NLRP13: variants seen among roughly 807,000 people sequenced by gnomAD.
NLRP13 encodes NACHT, LRR and PYD domains-containing protein 13.
A neutral mutation model predicts 94.4 loss-of-function variants in NLRP13; 82 were observed. The observed-to-expected ratio is 0.87, with a 90% CI of 0.73 to 1.04. NLRP13 has a LOEUF of 1.04. Ranked by LOEUF, NLRP13 falls within the 50% of genes least tolerant of loss-of-function variation. NLRP13 has a pLI of 0.00. For synonymous variants in NLRP13, 553 were observed against 464.7 expected, an observed-to-expected ratio of 1.19 and a Z score of -2.45; for missense variants, 1,426 against 1,230.8, an observed-to-expected ratio of 1.16 and a Z score of -2.37.
At chr19:55,917,566 G>A (rs567154568) in intron 4 of NLRP13, among the ~76,000 whole-genome samples, 1 of 151,836 alleles carries the variant, frequency 6.6e-6, no homozygotes, top group Admixed American at 6.6e-5. Flanking sequence ...TGAAGGTAAA[G>A]GTGTAGAAAA....
At chr19:55,917,946 C>T (rs1024110350) in intron 4 of NLRP13, among the ~76,000 whole-genome samples, 1 of 152,002 alleles carries the variant, frequency 6.6e-6, no homozygotes, top group Admixed American at 6.6e-5. Flanking sequence ...TTCTACTCAA[C>T]TGCAGAATAT....
rs1331305593 is a variant in NLRP13 at position 55,905,197 on chromosome 19, G to A, written c.2448-85C>T. 3 of 1,386,780 alleles carry A rather than the reference G, an allele frequency of 2.2e-6. No individual in the cohort carries two copies. The Admixed American group carries it at 6.0e-5, about 28-fold the overall frequency. The allele number at this position is 1,386,780 out of a possible 1,614,324, so 85.9% of individuals were successfully genotyped here. A position where few individuals can be genotyped will look rare whatever the true frequency, so the allele number is the denominator to read the frequency against. On this transcript the variant is annotated intron_variant, in intron 7 of 10. Coordinates refer to ENST00000342929, the MANE Select transcript of NLRP13 (RefSeq NM_176810.2). ...TCTCTCTCAACCCCTTAACCCCCGA[G>A]ACCCAAACATTATGGGAAGATTAAA...
rs375954901 is a variant in NLRP13 at position 55,910,599 on chromosome 19, G to T, written c.2246C>A (p.Ala749Glu). The change falls in exon 6 of 11, where the codon GCA becomes GAA. Residue 749 changes from alanine (A) to glutamate (E), a missense_variant. By Grantham distance (107) the Ala-to-Glu change is moderately radical. Transcript: ENST00000342929. ...HASSVKGLCL[A>E]LKNPRCKVQK... ...GACTTTGCATCTTGGATTTTTCAGT[G>T]CAAGACAGAGACCCTTCACAGAGGA... is the stretch of plus-strand genomic sequence containing the variant. 1 of 1,611,976 alleles carries T rather than the reference G, an allele frequency of 6.2e-7. No individual in the cohort carries two copies. The highest frequency in any genetic ancestry group is 1.3e-5 in the African/African-American group (1 of 74,974).
At chr19:55,908,363 C>T (rs1310534747) in intron 6 of NLRP13, among the ~76,000 whole-genome samples, 1 of 152,086 alleles carries the variant, frequency 6.6e-6, no homozygotes. Context: ...TAAGTACGAC[C>T]AAAAGTTTAA....
At chr19:55,928,841 G>C (rs149830284) in intron 1 of NLRP13, among the ~76,000 whole-genome samples, 1 of 152,294 alleles carries the variant, frequency 6.6e-6, no homozygotes, top group East Asian at 1.9e-4. Context: ...TGTCACCAGA[G>C]TGTACAGGCA....
chr19:55,894,340 C>T (rs1430648830), downstream of NLRP13, among the ~76,000 whole-genome samples: 2 of 152,118 alleles, frequency 1.3e-5, no homozygotes, highest in Non-Finnish European at 2.9e-5. Context: ...CTGCAGCCAA[C>T]CTGCTTACCT....
At chr19:55,914,124 C>A (rs547207382) in intron 4 of NLRP13, among the ~76,000 whole-genome samples, 2 of 152,210 alleles carry the variant, frequency 1.3e-5, no homozygotes, top group Non-Finnish European at 2.9e-5. Context: ...AAGGCTTTGT[C>A]TCTCCCATTC....
Position 55,912,901 on chromosome 19 carries a change from G to T in NLRP13, c.916C>A (p.Leu306Ile), listed in dbSNP as rs779639451. 3 of 1,614,200 alleles carry T rather than the reference G, an allele frequency of 1.9e-6. No individual in the cohort carries two copies. ...IEEFMSQPEK[L>I]LFIIDGFEEI... ...TCAAAGCCATCAATAATAAACAGGA[G>T]CTTCTCTGGTTGAGACATGAACTCT... The change falls in exon 5 of 11, where the codon CTC becomes ATC. Residue 306 changes from leucine to isoleucine, a missense_variant. By Grantham distance (5) the Leu-to-Ile change is conservative. Coordinates refer to ENST00000342929, the MANE Select transcript of NLRP13 (RefSeq NM_176810.2).
intron 8 of NLRP13, among the ~76,000 whole-genome samples, chr19:55,902,446 T>G (rs548553172): frequency 2.0e-4 from 30 of 152,112 alleles, no homozygotes; most frequent in Middle Eastern, 6.8e-3. Context: ...AGTGACTGGT[T>G]TAGGAAAAAA....
At position 55,932,117 on chromosome 19, in the gene NLRP13, AGGGTC is replaced by A; in HGVS notation, c.190_194del (p.Asp64PhefsTer9). The A allele has an allele frequency of 6.2e-7, 1 of 1,614,190 alleles. No homozygotes were observed. Among genetic ancestry groups the A allele is most frequent in the South Asian group, 1.1e-5 (1 of 91,080 alleles). ...CATCCAAAAGAAAGGACAGATTCAA[AGGGTC>A]GGCAGCTCTCAAGTTTGCCCAGGGG... On this transcript the variant is annotated frameshift_variant, in exon 1 of 11. Transcript: ENST00000342929. LOFTEE classifies it high-confidence loss of function.
chr19:55,910,435 A>G (rs1241301016), intron 6 of NLRP13, 128 bp downstream of exon 6: 8 of 844,616 alleles, frequency 9.5e-6, no homozygotes, highest in Non-Finnish European at 8.7e-6. Flanking sequence ...AAATACAAGC[A>G]CAGTTTATTT....
At chr19:55,914,326 G>C (rs908760519) in intron 4 of NLRP13, among the ~76,000 whole-genome samples, 4 of 152,198 alleles carry the variant, frequency 2.6e-5, no homozygotes, top group African/African-American at 9.7e-5. Context: ...ATGGTAGGAG[G>C]CTGGATCGTG....
In NLRP13 at chr19:55,925,022, G is replaced by A; in HGVS notation, c.333C>T (p.Thr111=). The A allele has an allele frequency of 6.2e-7, 1 of 1,613,890 alleles. No individual in the cohort carries two copies. Among genetic ancestry groups the A allele is most frequent in the Non-Finnish European group, 8.5e-7 (1 of 1,179,962 alleles). Residue 111 remains threonine (T), a synonymous_variant, in exon 2 of 11, where the codon ACC becomes ACT. Transcript: ENST00000342929. ...VRAEMKENVQ[T]QELQDPTQED... ...CCTGGGTTGGATCTTGCAGCTCTTG[G>A]GTCTGCACATTCTCTGAAACAAACA...
rs977070 is a variant in NLRP13 at position 55,911,708 on chromosome 19, C to G, written c.2109G>C (p.Leu703=). 0.48 allele frequency: 762,215 copies of G among 1,587,472 alleles called. 186,062 individuals carry two copies. Among genetic ancestry groups the G allele is most frequent in the African/African-American group, 0.68 (50,247 of 73,618 alleles). ...SHILERDLEI[L]ETSKFDSRMH... is the part of the protein sequence containing the mutation. ...AAGAAATGGTTTGTAATACTCACTCCAGAATTTCCAAGTCCCTTTCAAGGA... is the reference window on the plus strand; with the variant it reads ...AAGAAATGGTTTGTAATACTCACTCGAGAATTTCCAAGTCCCTTTCAAGGA... The change falls in exon 5 of 11, where the codon CTG becomes CTC. Residue 703 remains leucine, a splice_region_variant and synonymous_variant. Coordinates refer to ENST00000342929, the MANE Select transcript of NLRP13 (RefSeq NM_176810.2).
intron 6 of NLRP13, among the ~76,000 whole-genome samples, chr19:55,909,409 T>A (rs746848711): frequency 8.5e-5 from 13 of 152,178 alleles, no homozygotes; most frequent in Non-Finnish European, 1.8e-4. Flanking sequence ...CTTTTTCCCT[T>A]TTCTGCAGCT....
At chr19:55,905,446 TATATATACATATATACACAC>T (rs1209887861) in intron 7 of NLRP13, among the ~76,000 whole-genome samples, 2 of 150,218 alleles carry the variant, frequency 1.3e-5, no homozygotes, top group African/African-American at 4.9e-5. Context: ...TATATATGTA[TATATATACATATATACACAC>T]ATATATACAT....
At chr19:55,917,869 C>T (rs1045576899) in intron 4 of NLRP13, among the ~76,000 whole-genome samples, 1 of 151,952 alleles carries the variant, frequency 6.6e-6, no homozygotes, top group African/African-American at 2.4e-5. Context: ...GACAGAAAAT[C>T]AACAAAGGAA....
chr19:55,922,300 G>GT lies in NLRP13; in HGVS notation c.523+1613dup, dbSNP rs750879609. Among the ~76,000 whole-genome samples, 1,202 of 148,430 alleles carry GT rather than the reference G, an allele frequency of 8.1e-3. 14 individuals carry two copies. The highest frequency in any genetic ancestry group is 0.026 in the African/African-American group (1,057 of 40,566). On this transcript the variant is annotated intron_variant, in intron 4 of 10. Transcript: ENST00000342929. Reference sequence around the variant, plus strand: ...ATCATTTGGCCTGTCTCTCAAAGAGGTTTTTTTTTTATTGTTGTTTTTTGT... The same window carrying GT: ...ATCATTTGGCCTGTCTCTCAAAGAGGTTTTTTTTTTTATTGTTGTTTTTTGT...
rs145742438 is a variant in NLRP13, at chr19:55,928,966, G to A, written c.319+3027C>T. 8.2e-3 allele frequency among the ~76,000 whole-genome samples: 1,252 copies of A among 152,148 alleles called. 17 individuals carry two copies. Among genetic ancestry groups the A allele is most frequent in the African/African-American group, 0.026 (1,071 of 41,524 alleles). On this transcript the variant is annotated intron_variant, in intron 1 of 10. Coordinates refer to ENST00000342929, the MANE Select transcript of NLRP13 (RefSeq NM_176810.2). ...AAAAAAATCTCATCAAAAAGTGGGCGAAGTATATGAACAGACACTTCTCAA... is the reference window on the plus strand; with the variant it reads ...AAAAAAATCTCATCAAAAAGTGGGCAAAGTATATGAACAGACACTTCTCAA...
Sources: gnomAD v4.1 joint callset for allele counts (sites outside exome capture counted in the v4.1 genomes callset) on GRCh38, gnomAD v4.1.1 for gene constraint, MANE v1.5 for transcripts, NCBI Gene and HGNC (gene_info 2026-07-23, HGNC 2026-07-21) for gene names.